Variants in CAPN3 observed in about 807,000 individuals in gnomAD.
The protein encoded by CAPN3 is calpain 3, also known as calpain-3.
Under a neutral mutation model 114.0 loss-of-function variants are expected in CAPN3, and 88 were observed. The observed-to-expected ratio is 0.77, with a 90% CI of 0.65 to 0.92. The LOEUF is 0.92. Among genes scored for constraint, CAPN3 ranks in the 40% least tolerant of loss-of-function variants. CAPN3 has a pLI of 0.00. For synonymous variants in CAPN3, 386 were observed against 382.9 expected (o/e 1.01, Z -0.09); for missense variants, 1,028 against 1,069.0 (o/e 0.96, Z 0.53).
intron 1 of CAPN3, among the ~76,000 whole-genome samples, chr15:42,363,910 A>G (rs944460002): frequency 1.3e-5 from 2 of 152,240 alleles, no homozygotes; most frequent in African/African-American, 4.8e-5. Context: ...ATCTGGCTCT[A>G]GAGCCCCAAA....
intron 1 of CAPN3, among the ~76,000 whole-genome samples, chr15:42,380,566 T>G (rs28699976): frequency 6.8e-6 from 1 of 147,578 alleles, no homozygotes; most frequent in African/African-American, 2.5e-5. Flanking sequence ...TATGTGTGTG[T>G]GGGTGTGTGT....
At chr15:42,378,043 C>T (rs777035192) in intron 1 of CAPN3, among the ~76,000 whole-genome samples, 7 of 152,170 alleles carry the variant, frequency 4.6e-5, no homozygotes, top group South Asian at 2.1e-4. Context: ...GCTCGTGCGA[C>T]GGATGAATAA....
chr15:42,383,229 G>C (rs1343625400), intron 1 of CAPN3, among the ~76,000 whole-genome samples: 1 of 152,158 alleles, frequency 6.6e-6, no homozygotes, highest in Non-Finnish European at 1.5e-5. Flanking sequence ...GGTGGAGAGA[G>C]AGACCCTGTT....
intron 17 of CAPN3, 70 bp downstream of exon 17, chr15:42,409,450 AATTATTTC>A: frequency 7.2e-7 from 1 of 1,388,182 alleles, no homozygotes; most frequent in South Asian, 1.2e-5. Context: ...TCAGATTACC[AATTATTTC>A]ATTATTGTTT....
intron 1 of CAPN3, among the ~76,000 whole-genome samples, chr15:42,363,020 GATA>G (rs2052685261): frequency 6.6e-6 from 1 of 152,152 alleles, no homozygotes; most frequent in South Asian, 2.1e-4. Context: ...CAGTGATAAT[GATA>G]ATAATGATAA....
rs980326447 is a variant in CAPN3 at position 42,410,478 on chromosome 15, C to T, written c.2166C>T (p.Asn722=). Residue 722 remains asparagine, a synonymous_variant, in exon 20 of 24, where the codon AAC becomes AAT. Transcript: ENST00000397163. ...LNLQEFHHLW[N]KIKAWQKIFK... ...TGCAGGAGTTCCACCACCTCTGGAA[C>T]AAGATTAAGGCCTGGCAGGTGGGAA... is the stretch of plus-strand genomic sequence containing the variant. The T allele has an allele frequency of 6.2e-7, 1 of 1,614,086 alleles. No homozygotes were observed. The highest frequency in any genetic ancestry group is 2.2e-5 in the East Asian group (1 of 44,876).
chr15:42,405,323 T>C (rs2141208771), intron 14 of CAPN3, among the ~76,000 whole-genome samples: 1 of 152,346 alleles, frequency 6.6e-6, no homozygotes, highest in Middle Eastern at 3.4e-3. Context: ...TATTTGTTTA[T>C]TTTTGAGACG....
chr15:42,397,963 G>A (rs7182281), intron 9 of CAPN3, among the ~76,000 whole-genome samples: 1,614 of 152,084 alleles, frequency 0.011, 32 homozygotes, highest in African/African-American at 0.037. Flanking sequence ...TGAGGCTGCA[G>A]TGAACTATGA....
At position 42,396,431 on chromosome 15, in the gene CAPN3, G is replaced by A. The variant is rs554694071; in HGVS notation, c.1116-369G>A. On this transcript the variant is annotated intron_variant, in intron 8 of 23. Coordinates refer to ENST00000397163, the MANE Select transcript of CAPN3 (RefSeq NM_000070.3). ...CTAATTTTTGTATTTTTATTAGGAC[G>A]GGGTTTCACCATATTGGCCAGGCTG... is the stretch of plus-strand genomic sequence containing the variant. 2.6e-5 allele frequency among the ~76,000 whole-genome samples: 4 copies of A among 151,988 alleles called. No homozygotes were observed. The East Asian group carries it at 7.7e-4, about 29-fold the overall frequency.
chr15:42,398,693 ATGTG>A (rs143819606), intron 9 of CAPN3, among the ~76,000 whole-genome samples: 1 of 142,720 alleles, frequency 7.0e-6, no homozygotes, highest in Non-Finnish European at 1.5e-5. Context: ...CTGTATATAT[ATGTG>A]TGTGTGTATA....
chr15:42,373,401 T>A (rs902434411), intron 1 of CAPN3, among the ~76,000 whole-genome samples: 6 of 151,944 alleles, frequency 3.9e-5, no homozygotes, highest in Non-Finnish European at 8.8e-5. Context: ...AAGCACAGAG[T>A]AGACAAAGGC....
Position 42,392,678 on chromosome 15 carries a change from GGGCTGGTCAGAGGTC to G in CAPN3, c.986_1000del (p.Gly329_His334delinsAsp). On this transcript the variant is annotated inframe_deletion, in exon 7 of 24. Coordinates refer to ENST00000397163, the MANE Select transcript of CAPN3 (RefSeq NM_000070.3). ...TCAGTATGAGACAAGAATGGCCTGCGGGCTGGTCAGAGGTCACGCCTACTCTGTCACGGGGCTGGA... is the reference window on the plus strand; with the variant it reads ...TCAGTATGAGACAAGAATGGCCTGCGACGCCTACTCTGTCACGGGGCTGGA... 1 of 1,613,986 alleles carries G rather than the reference GGGCTGGTCAGAGGTC, an allele frequency of 6.2e-7. No homozygotes were observed. The highest frequency in any genetic ancestry group is 8.5e-7 in the Non-Finnish European group (1 of 1,179,936).
chr15:42,373,850 C>G (rs990779388), intron 1 of CAPN3, among the ~76,000 whole-genome samples: 3 of 152,192 alleles, frequency 2.0e-5, no homozygotes, highest in African/African-American at 7.2e-5. Context: ...CCTATGCATT[C>G]AGTAGCCTGT....
Position 42,398,084 on chromosome 15 carries a change from A to ATATC in CAPN3, c.1193+1208_1193+1211dup, listed in dbSNP as rs2053752116. ...ACCTGGCCTTCTATTTTTTATGGATATATCATAGCTATATATATTTTTGGG... is the reference window on the plus strand; with the variant it reads ...ACCTGGCCTTCTATTTTTTATGGATATATCTATCATAGCTATATATATTTTTGGG... On this transcript the variant is annotated intron_variant, in intron 9 of 23. Transcript: ENST00000397163. Among the ~76,000 whole-genome samples, 3 of 151,794 alleles carry ATATC rather than the reference A, an allele frequency of 2.0e-5. No individual in the cohort carries two copies. In the South Asian group the frequency reaches 6.2e-4, roughly 32 times the overall value.
chr15:42,411,209 G>A (rs2054215954), intron 22 of CAPN3, 78 bp from the exon 23 acceptor site: 4 of 1,244,156 alleles, frequency 3.2e-6, no homozygotes, highest in South Asian at 1.2e-5. Flanking sequence ...CTGGGCACAT[G>A]GTCCTCTGAG....
Position 42,402,956 on chromosome 15 carries a change from G to C in CAPN3, c.1699G>C (p.Gly567Arg). ...CTCCACCTACGAGCCCCACCAGGAG[G>C]GGGAATTCATCCTCCGGGTCTTCTC... The part of the protein sequence containing the change: ...VPSTYEPHQE[G>R]EFILRVFSEK... The change falls in exon 13 of 24, where the codon GGG becomes CGG. Residue 567 changes from glycine to arginine, a missense_variant. By Grantham distance (125) the Gly-to-Arg change is moderately radical (BLOSUM62 -2). Coordinates refer to ENST00000397163, the MANE Select transcript of CAPN3 (RefSeq NM_000070.3). 1 of 1,614,226 alleles carries C rather than the reference G, an allele frequency of 6.2e-7. No individual in the cohort carries two copies. The highest frequency in any genetic ancestry group is 8.5e-7 in the Non-Finnish European group (1 of 1,180,034).
At chr15:42,409,463 T>G (rs1448550130) in intron 17 of CAPN3, 83 bp downstream of exon 17, 2 of 1,339,238 alleles carry the variant, frequency 1.5e-6, no homozygotes, top group East Asian at 4.6e-5. Context: ...TATTTCATTA[T>G]TGTTTGGTAG....
intron 15 of CAPN3, among the ~76,000 whole-genome samples, chr15:42,407,628 C>T (rs1377693634): frequency 6.6e-6 from 1 of 152,174 alleles, no homozygotes; most frequent in Non-Finnish European, 1.5e-5. Flanking sequence ...CGTGCCCGGC[C>T]AGAGAGGATA....
chr15:42,402,545 G>A (rs1451213510), intron 12 of CAPN3: 8 of 1,455,218 alleles, frequency 5.5e-6, no homozygotes, highest in Non-Finnish European at 7.2e-6. Context: ...CGGAGCTGAG[G>A]AGCAGCTGTT....
Sources: gnomAD v4.1 joint callset for allele counts (sites outside exome capture counted in the v4.1 genomes callset) on GRCh38, gnomAD v4.1.1 for gene constraint, MANE v1.5 for transcripts, NCBI Gene and HGNC (gene_info 2026-07-23, HGNC 2026-07-21) for gene names.